Variants in MSN observed in about 807,000 individuals in gnomAD.
MSN encodes the protein epididymis luminal protein 70.
A neutral mutation model predicts 48.0 loss-of-function variants in MSN; 2 were observed. That is an observed-to-expected ratio of 0.04 (90% confidence interval 0.02 to 0.13). The LOEUF is 0.13. MSN is among the 10% of genes least tolerant of loss of function. The probability of loss-of-function intolerance (pLI) is 1.00; values close to 1 mark genes in which losing one functional copy is unlikely to be tolerated. For missense variants in MSN, 267 were observed against 470.1 expected, an observed-to-expected ratio of 0.57 and a Z score of 3.99; for synonymous variants, 146 against 166.9, an observed-to-expected ratio of 0.87 and a Z score of 0.97.
chrX:65,696,434 G>T (rs1304740085), intron 1 of MSN, among the ~76,000 whole-genome samples: 1 of 111,698 alleles, frequency 9.0e-6, no homozygotes, highest in East Asian at 2.8e-4. Flanking sequence ...GATTTTTAGG[G>T]TTTGCTTTGG....
At chrX:65,640,691 T>C (rs926019491) in intron 1 of MSN, among the ~76,000 whole-genome samples, 1 of 112,135 alleles carries the variant, frequency 8.9e-6, no homozygotes, top group African/African-American at 3.2e-5. Flanking sequence ...CTTTAATTTA[T>C]CAGTCTAGTA....
intron 1 of MSN, among the ~76,000 whole-genome samples, chrX:65,683,393 G>GCCACCACCACCACCACCA (rs535010759): frequency 1.6e-4 from 15 of 91,316 alleles, no homozygotes; most frequent in East Asian, 1.2e-3. Context: ...TGCCGCCGCC[G>GCCACCACCACCACCACCA]CCACCACCAC....
At chrX:65,705,020 C>T (rs893812372) in intron 1 of MSN, among the ~76,000 whole-genome samples, 15 of 110,797 alleles carry the variant, frequency 1.4e-4, no homozygotes, top group African/African-American at 4.9e-4. Context: ...ATCCTCCCAC[C>T]TTGGCCTCCC....
intron 1 of MSN, among the ~76,000 whole-genome samples, chrX:65,704,155 G>A (rs1452539879): frequency 8.9e-6 from 1 of 111,839 alleles, no homozygotes; most frequent in East Asian, 2.8e-4. Context: ...TGTAAAACTT[G>A]CTGGCAGGAA....
intron 1 of MSN, among the ~76,000 whole-genome samples, chrX:65,702,615 A>G (rs1396324594): frequency 9.1e-6 from 1 of 110,451 alleles, no homozygotes; most frequent in Non-Finnish European, 1.9e-5. Context: ...GCAGTGAGCC[A>G]AGATCACGCC....
At chrX:65,720,089 A>T (rs2071502670) in intron 2 of MSN, among the ~76,000 whole-genome samples, 1 of 111,544 alleles carries the variant, frequency 9.0e-6, no homozygotes. Flanking sequence ...CAAGAAGTCC[A>T]TGACTTCTCA....
chrX:65,690,898 A>C (rs1486442615), intron 1 of MSN, among the ~76,000 whole-genome samples: 1 of 111,082 alleles, frequency 9.0e-6, no homozygotes, highest in Non-Finnish European at 1.9e-5. Flanking sequence ...GTCTTTGATT[A>C]TTTTTCCACT....
At chrX:65,600,360 T>C (rs1204149371) in intron 1 of MSN, among the ~76,000 whole-genome samples, 2 of 111,745 alleles carry the variant, frequency 1.8e-5, no homozygotes, top group Non-Finnish European at 3.8e-5. Context: ...CCTTCCTCTG[T>C]GCGTGTTTCA....
At chrX:65,718,768 T>C (rs753297368) in intron 2 of MSN, among the ~76,000 whole-genome samples, 3 of 102,499 alleles carry the variant, frequency 2.9e-5, no homozygotes, top group Middle Eastern at 0.01. Context: ...CAGTGAGCTA[T>C]GATCACGCCA....
intron 1 of MSN, chrX:65,593,348 A>G (rs1270193972): frequency 9.0e-6 from 1 of 111,042 alleles, no homozygotes; most frequent in Non-Finnish European, 1.9e-5. Context: ...TGGGAGGTTG[A>G]ATTGAGTCCT....
At chrX:65,722,646 T>A (rs899346293) in intron 2 of MSN, among the ~76,000 whole-genome samples, 10 of 110,512 alleles carry the variant, frequency 9.0e-5, no homozygotes, top group Non-Finnish European at 1.9e-5. Context: ...CTCGAACTCC[T>A]GAGCTCAAAA....
intron 1 of MSN, among the ~76,000 whole-genome samples, chrX:65,647,557 G>T (rs1027010131): frequency 1.8e-5 from 2 of 112,616 alleles, no homozygotes; most frequent in Non-Finnish European, 3.7e-5. Context: ...CTGACATATG[G>T]TGGGTTTTAG....
At chrX:65,600,626 G>C (rs1328267764) in intron 1 of MSN, 1 of 111,501 alleles carries the variant, frequency 9.0e-6, no homozygotes. Flanking sequence ...TGATTTTCCA[G>C]ACAATAATTT....
chrX:65,653,964 C>T (rs1241615140), intron 1 of MSN, among the ~76,000 whole-genome samples: 4 of 109,505 alleles, frequency 3.7e-5, no homozygotes, highest in South Asian at 3.9e-4. Flanking sequence ...TTGGTAGAAA[C>T]GGGGTTTCAC....
intron 1 of MSN, among the ~76,000 whole-genome samples, chrX:65,610,685 C>G (rs1157037865): frequency 8.9e-6 from 1 of 112,213 alleles, no homozygotes; most frequent in Non-Finnish European, 1.9e-5. Context: ...TGCCAAACTG[C>G]TTCCCATAGC....
At chrX:65,650,368 A>T (rs2070733622) in intron 1 of MSN, among the ~76,000 whole-genome samples, 1 of 112,329 alleles carries the variant, frequency 8.9e-6, no homozygotes, top group Admixed American at 9.4e-5. Context: ...GATTACAGGC[A>T]TGAGCCACTG....
At chrX:65,736,626 C>T (rs765519898) in intron 8 of MSN, among the ~76,000 whole-genome samples, 169 bp from the exon 9 acceptor site, 120 of 110,117 alleles carry the variant, frequency 1.1e-3, no homozygotes, top group African/African-American at 3.8e-3. Context: ...TTAGTAGAGA[C>T]GGGGTTTCAC....
At chrX:65,597,588 T>A (rs1387666231) in intron 1 of MSN, among the ~76,000 whole-genome samples, 2 of 111,610 alleles carry the variant, frequency 1.8e-5, no homozygotes, top group East Asian at 5.6e-4. Flanking sequence ...GCTCAAGCGA[T>A]CTTCCTACCT....
At chrX:65,692,152 G>A (rs913658060) in intron 1 of MSN, among the ~76,000 whole-genome samples, 8 of 112,303 alleles carry the variant, frequency 7.1e-5, no homozygotes. Flanking sequence ...CCCTTAATTG[G>A]CCAGCTGGGA....
Sources: allele counts gnomAD v4.1 joint callset (sites outside exome capture counted in the v4.1 genomes callset), GRCh38; gene constraint gnomAD v4.1.1; transcripts MANE v1.5; gene names NCBI Gene and HGNC (gene_info 2026-07-23, HGNC 2026-07-21).